The following CR1 variants were observed in gnomAD, a reference collection of about 807,000 sequenced individuals.
CR1 encodes the protein complement C3b/C4b receptor 1 (Knops blood group), also known as complement receptor type 1.
Under a neutral mutation model 187.3 loss-of-function variants are expected in CR1, and 116 were observed. That is an observed-to-expected ratio of 0.62 (90% CI 0.53 to 0.72). The LOEUF is 0.72. CR1 is among the 30% of genes least tolerant of loss of function. The pLI, the probability that CR1 is intolerant of heterozygous loss-of-function variation, is 0.00. For missense variants in CR1, 1,731 were observed against 2,110.7 expected (o/e 0.82, Z 3.52); for synonymous variants, 576 against 747.1 (o/e 0.77, Z 3.73).
At chr1:207,566,141 T>C (rs1660488260) in intron 24 of CR1, among the ~76,000 whole-genome samples, 1 of 150,376 alleles carries the variant, frequency 6.6e-6, no homozygotes, top group Non-Finnish European at 1.5e-5. Flanking sequence ...TCTGTTCTAG[T>C]GCGATAAATC....
chr1:207,564,419 T>C (rs1287636400), intron 23 of CR1, among the ~76,000 whole-genome samples, 185 bp downstream of exon 23: 1 of 149,576 alleles, frequency 6.7e-6, no homozygotes, highest in African/African-American at 2.6e-5. Context: ...TAACATGAGA[T>C]ATGAAGAGGA....
chr1:207,622,055 CTA>C, intron 44 of CR1, 59 bp downstream of exon 44: 2 of 1,339,886 alleles, frequency 1.5e-6, no homozygotes, highest in South Asian at 1.3e-5. Context: ...AAGTACCTAC[CTA>C]TAATGAATGA....
intron 35 of CR1, among the ~76,000 whole-genome samples, chr1:207,593,869 T>C (rs1049305089): frequency 3.9e-5 from 6 of 152,216 alleles, no homozygotes; most frequent in African/African-American, 7.2e-5. Flanking sequence ...TCATCACTGG[T>C]CATTAGAGAA....
intron 27 of CR1, among the ~76,000 whole-genome samples, chr1:207,573,526 AC>A (rs1660642665): frequency 6.6e-6 from 1 of 152,010 alleles, no homozygotes; most frequent in Non-Finnish European, 1.5e-5. Flanking sequence ...AACAGGAAAT[AC>A]ATGTAAAAGA....
chr1:207,597,370 A>C (rs1464271768), intron 35 of CR1, among the ~76,000 whole-genome samples: 2 of 152,182 alleles, frequency 1.3e-5, no homozygotes, highest in African/African-American at 4.8e-5. Flanking sequence ...AATACTTAGG[A>C]ATCAATTTAA....
At chr1:207,622,947 T>G (rs1421875031) in intron 44 of CR1, 46 bp from the exon 45 acceptor site, 1 of 1,360,406 alleles carries the variant, frequency 7.4e-7, no homozygotes, top group Admixed American at 2.0e-5. Context: ...TTAAAACCTG[T>G]AAGTTATATT....
intron 5 of CR1, among the ~76,000 whole-genome samples, chr1:207,525,115 G>A (rs12728328): frequency 6.6e-6 from 1 of 151,940 alleles, no homozygotes; most frequent in Non-Finnish European, 1.5e-5. Flanking sequence ...CAGATCTCGA[G>A]AGAACTCTAT....
At chr1:207,506,965 GA>G in intron 3 of CR1, 152 bp downstream of exon 3, 1 of 628,224 alleles carries the variant, frequency 1.6e-6, no homozygotes, top group South Asian at 2.3e-5. Flanking sequence ...TGACTGAAAT[GA>G]GCAAAGGTAT....
Position 207,641,165 on chromosome 1 carries a change from T to C in CR1, c.*1756T>C, listed in dbSNP as rs1662972481. 1 of 152,198 alleles carries C rather than the reference T, an allele frequency of 6.6e-6. No homozygotes were observed. Among genetic ancestry groups the C allele is most frequent in the African/African-American group, 2.4e-5 (1 of 41,442 alleles). The allele number at this position is 152,198 out of a possible 1,614,324, so 9.4% of individuals were successfully genotyped here. ...TGAATCTTTAGCAAATCTCTTTTAT[T>C]TCTTGGGATTTTGAAGAAGTAATTT... On this transcript the variant is annotated 3_prime_UTR_variant, in exon 47 of 47. Transcript: ENST00000367049.
rs752493982 is a variant in CR1, at chr1:207,607,260, C to T, written c.5820C>T (p.Leu1940=). The T allele has an allele frequency of 1.4e-5, 23 of 1,613,044 alleles. No individual in the cohort carries two copies. The highest frequency in any genetic ancestry group is 2.7e-5 in the African/African-American group (2 of 74,924). The change falls in exon 36 of 47, where the codon CTC becomes CTT. Residue 1940 remains leucine, a synonymous_variant. Coordinates refer to ENST00000367049, the MANE Select transcript of CR1 (RefSeq NM_000651.6). The part of the protein sequence containing the change: ...VNYSCNEGFR[L]IGSPSTTCLV... ...CTATCCTTTGCTTTAGGTTTCGACT[C>T]ATTGGTTCCCCATCTACTACTTGTC...
chr1:207,526,014 C>T (rs1196678270), intron 5 of CR1, among the ~76,000 whole-genome samples: 2 of 152,040 alleles, frequency 1.3e-5, no homozygotes, highest in South Asian at 2.1e-4. Flanking sequence ...CAAATGTGTT[C>T]TGATTTCCTG....
Position 207,611,754 on chromosome 1 carries a change from G to A in CR1, c.6373G>A (p.Val2125Met). 1 of 1,613,976 alleles carries A rather than the reference G, an allele frequency of 6.2e-7. No individual in the cohort carries two copies. The highest frequency in any genetic ancestry group is 8.5e-7 in the Non-Finnish European group (1 of 1,179,880). The change falls in exon 38 of 47, where the codon GTG becomes ATG. Residue 2125 changes from valine (V) to methionine (M), a missense_variant. By Grantham distance (21) the Val-to-Met change is conservative. Transcript: ENST00000367049. ...GGACAACTTTTCACCTGGGCAGGAAGTGTTCTACAGCTGTGAGCCCAGCTA... is the reference window on the plus strand; with the variant it reads ...GGACAACTTTTCACCTGGGCAGGAAATGTTCTACAGCTGTGAGCCCAGCTA... ...HQDNFSPGQE[V>M]FYSCEPSYDL... is the part of the protein sequence containing the mutation.
At chr1:207,610,068 G>A (rs924852905) in intron 37 of CR1, among the ~76,000 whole-genome samples, 4 of 152,082 alleles carry the variant, frequency 2.6e-5, no homozygotes, top group East Asian at 1.9e-4. Flanking sequence ...AGTGATGATC[G>A]TATCTCTATC....
rs1659761956 is a variant in CR1, at chr1:207,515,189, A to ACG, written c.487+3535_487+3536insCG. ...TATATAGGTATATACATATATACGT[A>ACG]TATATACATATACATATATAGGTAT... On this transcript the variant is annotated intron_variant, in intron 4 of 46. Coordinates refer to ENST00000367049, the MANE Select transcript of CR1 (RefSeq NM_000651.6). 3.1e-5 allele frequency among the ~76,000 whole-genome samples: 4 copies of ACG among 128,542 alleles called. 1 individual carries two copies. The highest frequency in any genetic ancestry group is 1.6e-4 in the African/African-American group (4 of 24,770). The allele number at this position is 128,542 out of a possible 152,430, so 84.3% of individuals were successfully genotyped here. A position where few individuals can be genotyped will look rare whatever the true frequency, so the allele number is the denominator to read the frequency against.
In CR1 at chr1:207,565,840, T is replaced by A; in HGVS notation, c.3869T>A (p.Phe1290Tyr). Reference protein sequence around the residue: ...AKVDFVCDEGFQLKGSSASYC... With the variant: ...AKVDFVCDEGYQLKGSSASYC... ...TTCACTCCTATTTTCTTCTTTAGAT[T>A]TCAATTAAAAGGCAGCTCTGCTAGT... Residue 1290 changes from phenylalanine (F) to tyrosine (Y), a missense_variant and splice_region_variant, in exon 24 of 47, where the codon TTT becomes TAT. Physicochemically the swap from Phe to Tyr is conservative, Grantham distance 22. Coordinates refer to ENST00000367049, the MANE Select transcript of CR1 (RefSeq NM_000651.6). The A allele has an allele frequency of 1.2e-6, 2 of 1,610,814 alleles. No homozygotes were observed. Among genetic ancestry groups the A allele is most frequent in the Non-Finnish European group, 8.5e-7 (1 of 1,179,704 alleles).
rs907202437 is a variant in CR1 at position 207,581,860 on chromosome 1, T to A, written c.5217-58T>A. The A allele has an allele frequency of 6.7e-6, 8 of 1,200,708 alleles. No individual in the cohort carries two copies. The Admixed American group carries it at 1.0e-4, about 15-fold the overall frequency. 74.4% of individuals were successfully genotyped at this position (1,200,708 alleles called of 1,614,324 possible). On this transcript the variant is annotated intron_variant, in intron 31 of 46. Transcript: ENST00000367049. ...TTCTCAGGGAGGAGGTTGAGATCTG[T>A]CACGAAGGGAAGAGAGAAATGGTGC...
intron 35 of CR1, among the ~76,000 whole-genome samples, chr1:207,593,729 C>A (rs1168047298): frequency 6.6e-6 from 1 of 152,102 alleles, no homozygotes; most frequent in Non-Finnish European, 1.5e-5. Context: ...GGACTAATAT[C>A]CAGAATCTAC....
intron 35 of CR1, among the ~76,000 whole-genome samples, chr1:207,596,888 A>C (rs1033530969): frequency 2.7e-5 from 4 of 148,282 alleles, no homozygotes; most frequent in African/African-American, 9.8e-5. Flanking sequence ...TCTGATTTTT[A>C]ACATATTTTG....
chr1:207,596,062 T>C (rs1348482218), intron 35 of CR1, among the ~76,000 whole-genome samples: 4 of 79,434 alleles, frequency 5.0e-5, no homozygotes. Flanking sequence ...TCTATATATA[T>C]CTATATCTAT....
Sources: gnomAD v4.1 joint callset for allele counts (sites outside exome capture counted in the v4.1 genomes callset) on GRCh38, gnomAD v4.1.1 for gene constraint, MANE v1.5 for transcripts, NCBI Gene and HGNC (gene_info 2026-07-23, HGNC 2026-07-21) for gene names.